The following ZHX2 variants were observed in gnomAD, a reference collection of about 807,000 sequenced individuals.
The protein encoded by ZHX2 is zinc fingers and homeoboxes 2.
Under a neutral mutation model 21.9 loss-of-function variants are expected in ZHX2, and 6 were observed. The observed-to-expected ratio is 0.27, with a 90% CI of 0.15 to 0.54. ZHX2 has a LOEUF of 0.54. Ranked by LOEUF, ZHX2 falls within the 20% of genes least tolerant of loss-of-function variation. ZHX2 has a pLI of 0.95. For synonymous variants in ZHX2, 434 were observed against 437.1 expected, an observed-to-expected ratio of 0.99 and a Z score of 0.09; for missense variants, 908 against 1,090.7, an observed-to-expected ratio of 0.83 and a Z score of 2.36.
chr8:122,912,026 G>A (rs75833100), intron 2 of ZHX2, among the ~76,000 whole-genome samples: 1,542 of 152,288 alleles, frequency 0.01, 43 homozygotes, highest in Admixed American at 0.054. Flanking sequence ...ATAAGAAAAG[G>A]AGAAAGAGAC....
rs1045204762 is a variant in ZHX2, at chr8:122,850,589, G to A, written c.-282-12888G>A. Among the ~76,000 whole-genome samples, 8 of 147,188 alleles carry A rather than the reference G, an allele frequency of 5.4e-5. 1 individual carries two copies. The East Asian group carries it at 1.6e-3, about 29-fold the overall frequency. On this transcript the variant is annotated intron_variant, in intron 1 of 3. Coordinates refer to ENST00000314393, the MANE Select transcript of ZHX2 (RefSeq NM_014943.5). ...TAGGAGGCAGAGGTTGCAGTGAGCC[G>A]AGATTGCACCACTGCACTCCAGCCT...
intron 1 of ZHX2, among the ~76,000 whole-genome samples, chr8:122,803,185 C>T (rs1329850661): frequency 6.6e-6 from 1 of 152,266 alleles, no homozygotes; most frequent in East Asian, 1.9e-4. Context: ...TTCTCCCTCC[C>T]TCTCCCCACT....
At chr8:122,966,767 C>T (rs988931081) in intron 3 of ZHX2, among the ~76,000 whole-genome samples, 10 of 152,188 alleles carry the variant, frequency 6.6e-5, no homozygotes, top group African/African-American at 2.4e-4. Context: ...TTTAAGATTT[C>T]TCTTCTTCCT....
chr8:122,796,951 TC>T (rs1817623868), intron 1 of ZHX2, among the ~76,000 whole-genome samples: 1 of 152,130 alleles, frequency 6.6e-6, no homozygotes, highest in African/African-American at 2.4e-5. Context: ...AAGATTTGTG[TC>T]CTCCCATCAG....
chr8:122,963,204 T>C (rs1254640265), intron 3 of ZHX2, among the ~76,000 whole-genome samples: 1 of 152,166 alleles, frequency 6.6e-6, no homozygotes, highest in African/African-American at 2.4e-5. Flanking sequence ...CCTAGGCCAA[T>C]GTCTAGAAGA....
chr8:122,905,591 A>G (rs1353726427), intron 2 of ZHX2, among the ~76,000 whole-genome samples: 1 of 152,220 alleles, frequency 6.6e-6, no homozygotes, highest in Non-Finnish European at 1.5e-5. Flanking sequence ...GAAGAATATG[A>G]GGCTGTTTCC....
intron 2 of ZHX2, among the ~76,000 whole-genome samples, chr8:122,874,356 T>C (rs554114212): frequency 3.5e-4 from 53 of 152,342 alleles, no homozygotes; most frequent in African/African-American, 1.1e-3. Context: ...GTTTTGCTCT[T>C]GGCACCCAGA....
At chr8:122,857,219 C>T (rs1819047740) in intron 1 of ZHX2, among the ~76,000 whole-genome samples, 1 of 152,160 alleles carries the variant, frequency 6.6e-6, no homozygotes, top group Admixed American at 6.5e-5. Flanking sequence ...TTAACTCTAG[C>T]CTGACTCTAA....
rs1046581719 is a variant in ZHX2, at chr8:122,959,342, C to G, written c.*4+5314C>G. ...AATTTAAGATCCAGAAGAGGTATGCCCTCACACTCTGTTCAGATTAGCTGT... is the reference window on the plus strand; with the variant it reads ...AATTTAAGATCCAGAAGAGGTATGCGCTCACACTCTGTTCAGATTAGCTGT... On this transcript the variant is annotated intron_variant, in intron 3 of 3. Transcript: ENST00000314393. Among the ~76,000 whole-genome samples the G allele has an allele frequency of 2.6e-5, 4 of 151,912 alleles. 1 individual carries two copies. Among genetic ancestry groups the G allele is most frequent in the Admixed American group, 2.6e-4 (4 of 15,248 alleles).
intron 3 of ZHX2, among the ~76,000 whole-genome samples, chr8:122,972,552 C>T (rs1813751649): frequency 6.6e-6 from 1 of 152,070 alleles, no homozygotes; most frequent in Non-Finnish European, 1.5e-5. Context: ...ATATTTACAC[C>T]TCTTAGAATT....
At chr8:122,945,801 G>A (rs935826809) in intron 2 of ZHX2, among the ~76,000 whole-genome samples, 1 of 152,194 alleles carries the variant, frequency 6.6e-6, no homozygotes, top group African/African-American at 2.4e-5. Context: ...CCTGAGGGCA[G>A]GGATGTTTCT....
intron 2 of ZHX2, among the ~76,000 whole-genome samples, chr8:122,890,458 A>G (rs1273169710): frequency 1.3e-5 from 2 of 152,144 alleles, no homozygotes; most frequent in South Asian, 2.1e-4. Flanking sequence ...TTGTGATTCC[A>G]TATGAATTTT....
intron 2 of ZHX2, among the ~76,000 whole-genome samples, chr8:122,867,955 G>A (rs763669316): frequency 8.5e-5 from 13 of 152,056 alleles, no homozygotes; most frequent in Non-Finnish European, 1.0e-4. Flanking sequence ...TTTTATTGCT[G>A]ATGATCCTTC....
At chr8:122,970,210 G>A (rs929749072) in intron 3 of ZHX2, among the ~76,000 whole-genome samples, 1 of 152,166 alleles carries the variant, frequency 6.6e-6, no homozygotes, top group African/African-American at 2.4e-5. Flanking sequence ...AAGCCCAGGG[G>A]AGTTAGCAAG....
intron 2 of ZHX2, among the ~76,000 whole-genome samples, chr8:122,907,610 A>G (rs1307284945): frequency 6.6e-6 from 1 of 152,190 alleles, no homozygotes; most frequent in Non-Finnish European, 1.5e-5. Flanking sequence ...GAGGTATTGG[A>G]CAAATGAAAC....
rs1278868301 is a variant in ZHX2, at chr8:122,953,752, A to G, written c.2242A>G (p.Arg748Gly). 6.2e-7 allele frequency: 1 copy of G among 1,614,260 alleles called. No individual in the cohort carries two copies. Among genetic ancestry groups the G allele is most frequent in the Admixed American group, 1.7e-5 (1 of 60,030 alleles). Residue 748 changes from arginine (R) to glycine (G), a missense_variant, in exon 3 of 4, where the codon AGG becomes GGG. Physicochemically the swap from Arg to Gly is moderately radical, Grantham distance 125 (BLOSUM62 -2). Coordinates refer to ENST00000314393, the MANE Select transcript of ZHX2 (RefSeq NM_014943.5). This position sits in a 1 kb window ranked among gnomAD's most constrained non-coding sequence, Gnocchi z 4.6. ...AGAGGACTTGGAGAAGTTGGTGACC[A>G]GGGTAAAAGTAGGCAGCGAGCCAGC... is the stretch of plus-strand genomic sequence containing the variant. ...CEEDLEKLVT[R>G]VKVGSEPAKD... is the part of the protein sequence containing the mutation.
chr8:122,806,740 A>G (rs1817832652), intron 1 of ZHX2, among the ~76,000 whole-genome samples: 1 of 152,224 alleles, frequency 6.6e-6, no homozygotes, highest in Non-Finnish European at 1.5e-5. Flanking sequence ...ACACTGAAGA[A>G]TAGTCATTTT....
rs1364664298 is a variant in ZHX2, at chr8:122,803,304, C to T, written c.-283+21358C>T. 5.3e-5 allele frequency among the ~76,000 whole-genome samples: 8 copies of T among 152,196 alleles called. No individual in the cohort carries two copies. The South Asian group carries it at 1.0e-3, about 20-fold the overall frequency. ...AGGACCGTGATGGTGGCCCCGGCCCCGCCTCAGAGGTGCCACTCCCCGTTG... is the reference window on the plus strand; with the variant it reads ...AGGACCGTGATGGTGGCCCCGGCCCTGCCTCAGAGGTGCCACTCCCCGTTG... On this transcript the variant is annotated intron_variant, in intron 1 of 3. Coordinates refer to ENST00000314393, the MANE Select transcript of ZHX2 (RefSeq NM_014943.5).
At chr8:122,791,133 G>A (rs916440233) in intron 1 of ZHX2, among the ~76,000 whole-genome samples, 3 of 152,202 alleles carry the variant, frequency 2.0e-5, no homozygotes, top group Non-Finnish European at 2.9e-5. Flanking sequence ...AATCCAGCAC[G>A]GAGGATAACA....
Sources: allele counts gnomAD v4.1 joint callset (sites outside exome capture counted in the v4.1 genomes callset), GRCh38; gene constraint gnomAD v4.1.1; non-coding constraint Gnocchi (gnomAD v3.1); transcripts MANE v1.5; gene names NCBI Gene and HGNC (gene_info 2026-07-23, HGNC 2026-07-21).